The following HS3ST2 variants were observed in gnomAD, a reference collection of about 807,000 sequenced individuals.
The protein encoded by HS3ST2 is heparan sulfate glucosamine 3-O-sulfotransferase 2.
In HS3ST2, 17 loss-of-function variants were observed where a neutral mutation model predicts 26.3. The ratio of observed to expected loss-of-function variants is 0.65; its 90% confidence interval spans 0.44 to 0.97. The LOEUF is 0.97. Among genes scored for constraint, HS3ST2 ranks in the 50% least tolerant of loss-of-function variants. HS3ST2 has a pLI of 0.00. For synonymous variants in HS3ST2, 237 were observed against 219.2 expected, an observed-to-expected ratio of 1.08 and a Z score of -0.72; for missense variants, 402 against 501.2, an observed-to-expected ratio of 0.80 and a Z score of 1.89.
chr16:22,878,976 C>T (rs1901954029), intron 1 of HS3ST2, among the ~76,000 whole-genome samples: 1 of 152,196 alleles, frequency 6.6e-6, no homozygotes, highest in African/African-American at 2.4e-5. Flanking sequence ...CAGAGGGTCT[C>T]CTGGCGTTTG....
intron 1 of HS3ST2, among the ~76,000 whole-genome samples, chr16:22,875,029 A>G (rs1038984865): frequency 1.3e-5 from 2 of 152,126 alleles, no homozygotes; most frequent in African/African-American, 4.8e-5. Flanking sequence ...TCATTTATTC[A>G]TGGAGACGTG....
At chr16:22,853,005 C>G (rs185787623) in intron 1 of HS3ST2, among the ~76,000 whole-genome samples, 1 of 152,152 alleles carries the variant, frequency 6.6e-6, no homozygotes, top group African/African-American at 2.4e-5. Context: ...CATTTTATAT[C>G]AGCTTACCTT....
chr16:22,840,023 A>C (rs947234044), intron 1 of HS3ST2, among the ~76,000 whole-genome samples: 15 of 152,228 alleles, frequency 9.9e-5, no homozygotes, highest in Admixed American at 3.3e-4. Flanking sequence ...CGAAAAGGAA[A>C]TTTCAATGAT....
Position 22,815,102 on chromosome 16 carries a change from A to G in HS3ST2, c.485+7A>G. On this transcript the variant is annotated splice_region_variant and intron_variant, in intron 1 of 1. Coordinates refer to ENST00000261374, the MANE Select transcript of HS3ST2 (RefSeq NM_006043.2). ...GCGGGCTGGATTGGTACAGGTAAGG[A>G]CCAGGAGCTCCGCTCCGTGCGCCGG... 6.2e-7 allele frequency: 1 copy of G among 1,612,092 alleles called. No homozygotes were observed. Among genetic ancestry groups the G allele is most frequent in the Non-Finnish European group, 8.5e-7 (1 of 1,179,760 alleles).
intron 1 of HS3ST2, among the ~76,000 whole-genome samples, chr16:22,900,228 G>C (rs529389124): frequency 6.6e-6 from 1 of 152,240 alleles, no homozygotes; most frequent in African/African-American, 2.4e-5. Context: ...GAGTTGCCAT[G>C]CATGCTGTTT....
intron 1 of HS3ST2, among the ~76,000 whole-genome samples, chr16:22,847,682 G>A (rs7198577): frequency 0.36 from 54,246 of 151,340 alleles, 9,776 homozygotes; most frequent in South Asian, 0.48. Flanking sequence ...GGAGCTGTGC[G>A]AAGGGCATAC....
intron 1 of HS3ST2, among the ~76,000 whole-genome samples, chr16:22,900,316 T>C (rs1231048638): frequency 6.6e-6 from 1 of 152,198 alleles, no homozygotes; most frequent in Admixed American, 6.5e-5. Context: ...CTTGGTACCA[T>C]CACTGTCCCC....
At chr16:22,821,450 G>T (rs1043834163) in intron 1 of HS3ST2, among the ~76,000 whole-genome samples, 9 of 151,718 alleles carry the variant, frequency 5.9e-5, no homozygotes, top group African/African-American at 9.7e-5. Context: ...GGGACGGGGT[G>T]GGGGAGCACA....
chr16:22,867,483 T>C (rs1288728994), intron 1 of HS3ST2, among the ~76,000 whole-genome samples: 3 of 152,200 alleles, frequency 2.0e-5, no homozygotes, highest in African/African-American at 7.2e-5. Context: ...GAGGTGTAGA[T>C]ATCCTGAACT....
chr16:22,837,580 C>T (rs1156936416), intron 1 of HS3ST2, among the ~76,000 whole-genome samples: 7 of 135,228 alleles, frequency 5.2e-5, no homozygotes, highest in Admixed American at 7.7e-5. Flanking sequence ...TATATATATA[C>T]ACACACACAC....
chr16:22,871,880 T>G (rs1287823450), intron 1 of HS3ST2, among the ~76,000 whole-genome samples: 1 of 152,096 alleles, frequency 6.6e-6, no homozygotes, highest in African/African-American at 2.4e-5. Flanking sequence ...GGGAAAGGAT[T>G]CATTTCCAGG....
In HS3ST2 at chr16:22,814,846, CGCCCAGCGA is replaced by C. The variant is rs748889535; in HGVS notation, c.245_253del (p.Glu82_Ser84del). 23 of 1,565,386 alleles carry C rather than the reference CGCCCAGCGA, an allele frequency of 1.5e-5. No individual in the cohort carries two copies. The highest frequency in any genetic ancestry group is 2.7e-5 in the African/African-American group (2 of 73,700). On this transcript the variant is annotated inframe_deletion, in exon 1 of 2. Transcript: ENST00000261374. ...CGCCCCTGTGATCCCTCCGGGCCGA[CGCCCAGCGA>C]GCCCAGCGCTCCCAGCGCGCCCGCC...
intron 1 of HS3ST2, among the ~76,000 whole-genome samples, chr16:22,889,460 A>G (rs1427923215): frequency 1.3e-5 from 2 of 152,332 alleles, no homozygotes; most frequent in African/African-American, 4.8e-5. Context: ...GGAATGCTCC[A>G]GAATCCAAAG....
intron 1 of HS3ST2, among the ~76,000 whole-genome samples, chr16:22,905,488 G>A (rs1001507666): frequency 5.3e-5 from 8 of 151,680 alleles, no homozygotes; most frequent in Admixed American, 2.6e-4. Context: ...CCCTTAGGGT[G>A]AAAGAGTATA....
intron 1 of HS3ST2, among the ~76,000 whole-genome samples, chr16:22,823,080 A>G (rs559307298): frequency 1.3e-5 from 2 of 152,232 alleles, no homozygotes; most frequent in Non-Finnish European, 2.9e-5. Context: ...TAGTTAAAAT[A>G]AATATTGTTT....
At chr16:22,819,670 GACTTC>G (rs1596602216) in intron 1 of HS3ST2, among the ~76,000 whole-genome samples, 1 of 152,192 alleles carries the variant, frequency 6.6e-6, no homozygotes, top group Non-Finnish European at 1.5e-5. Flanking sequence ...ATAAATTTCA[GACTTC>G]ACTTCACAAC....
intron 1 of HS3ST2, among the ~76,000 whole-genome samples, chr16:22,828,288 G>A (rs922015366): frequency 6.6e-6 from 1 of 152,266 alleles, no homozygotes; most frequent in Admixed American, 6.5e-5. Flanking sequence ...ATCTGTTAAA[G>A]GTGAAATTAG....
At chr16:22,864,568 G>A (rs961011768) in intron 1 of HS3ST2, among the ~76,000 whole-genome samples, 2 of 152,156 alleles carry the variant, frequency 1.3e-5, no homozygotes, top group Non-Finnish European at 1.5e-5. Flanking sequence ...GGCTGCAGGG[G>A]CCCCTCCTGG....
intron 1 of HS3ST2, among the ~76,000 whole-genome samples, chr16:22,898,335 C>A (rs1161433325): frequency 1.3e-5 from 2 of 152,196 alleles, no homozygotes; most frequent in Non-Finnish European, 2.9e-5. Context: ...GACACTGTGC[C>A]TTCCTGATGG....
Sources: allele counts gnomAD v4.1 joint callset (sites outside exome capture counted in the v4.1 genomes callset), GRCh38; gene constraint gnomAD v4.1.1; transcripts MANE v1.5; gene names NCBI Gene and HGNC (gene_info 2026-07-23, HGNC 2026-07-21).